Variants in TNRC6B observed in about 807,000 individuals in gnomAD.
TNRC6B encodes trinucleotide repeat containing adaptor 6B, also known as trinucleotide repeat-containing gene 6B protein.
A neutral mutation model predicts 203.6 loss-of-function variants in TNRC6B; 52 were observed. That is an observed-to-expected ratio of 0.26 (90% CI 0.20 to 0.32). The LOEUF is 0.32. TNRC6B is among the 10% of genes least tolerant of loss of function. TNRC6B has a pLI of 1.00. For synonymous variants in TNRC6B, 838 were observed against 845.7 expected (o/e 0.99, Z 0.16); for missense variants, 1,923 against 2,286.2 (o/e 0.84, Z 3.24).
At chr22:40,125,838 A>T in exon 3 of TNRC6B, 1 of 1,612,630 alleles carries the variant, frequency 6.2e-7, no homozygotes, top group South Asian at 1.1e-5. Flanking sequence ...ATGAGGGAGA[A>T]GTATCGGAAG....
rs2146548171 is a variant in TNRC6B at position 40,300,956 on chromosome 22, A to G, written c.3887A>G (p.Gln1296Arg). The G allele has an allele frequency of 6.2e-7, 1 of 1,613,830 alleles. No homozygotes were observed. The highest frequency in any genetic ancestry group is 8.5e-7 in the Non-Finnish European group (1 of 1,179,838). ...CAGCAGCAACAGCAGCAGTTGTTAC[A>G]GAACCAGAGAAAGATTTCTCAAGCT... ...LQQQQQQQLL[Q>R]NQRKISQAVR... The change falls in exon 14 of 23, where the codon CAG becomes CGG. Residue 1296 changes from glutamine to arginine, a missense_variant. Physicochemically the swap from Gln to Arg is conservative, Grantham distance 43. Transcript: ENST00000454349.
At chr22:40,293,190 C>CTTTTTTT (rs748230080) in intron 12 of TNRC6B, among the ~76,000 whole-genome samples, 2,020 of 79,108 alleles carry the variant, frequency 0.026, 66 homozygotes, top group Middle Eastern at 0.047. Context: ...ATATCCTTTT[C>CTTTTTTT]TTTTTTTTTT....
intron 1 of TNRC6B, among the ~76,000 whole-genome samples, chr22:40,057,941 C>G (rs969019586): frequency 1.3e-5 from 2 of 152,170 alleles, no homozygotes; most frequent in African/African-American, 4.8e-5. Context: ...GTACCATGGA[C>G]AACAGATTTT....
At chr22:40,071,121 T>G (rs1569250120) in intron 1 of TNRC6B, among the ~76,000 whole-genome samples, 1 of 152,220 alleles carries the variant, frequency 6.6e-6, no homozygotes, top group Non-Finnish European at 1.5e-5. Context: ...GAACCCACTT[T>G]CCTTTTTTTT....
At chr22:40,134,171 T>C (rs1019830728) in intron 3 of TNRC6B, among the ~76,000 whole-genome samples, 3 of 152,156 alleles carry the variant, frequency 2.0e-5, no homozygotes, top group African/African-American at 7.2e-5. Flanking sequence ...AGCATAACTT[T>C]CCACTCTTAA....
At chr22:40,158,412 G>A (rs1296031918) in intron 4 of TNRC6B, among the ~76,000 whole-genome samples, 1 of 151,872 alleles carries the variant, frequency 6.6e-6, no homozygotes, top group Non-Finnish European at 1.5e-5. Context: ...GGGAGACAAT[G>A]AAAATGGCAT....
intron 3 of TNRC6B, among the ~76,000 whole-genome samples, chr22:40,155,136 A>G (rs192214805): frequency 1.3e-5 from 2 of 151,736 alleles, no homozygotes; most frequent in Non-Finnish European, 2.9e-5. Context: ...ACAGATGTTT[A>G]TTCTTCTATT....
chr22:40,218,393 C>T (rs1461780572), intron 1 of TNRC6B, among the ~76,000 whole-genome samples: 2 of 129,200 alleles, frequency 1.5e-5, no homozygotes, highest in African/African-American at 5.7e-5. Context: ...GTGGCATGAT[C>T]GTGGCTCTCT....
intron 3 of TNRC6B, among the ~76,000 whole-genome samples, chr22:40,131,865 A>G (rs2068547958): frequency 6.6e-6 from 1 of 152,236 alleles, no homozygotes; most frequent in Admixed American, 6.5e-5. Flanking sequence ...TTGTTAATGT[A>G]AAACTTCAGA....
intron 1 of TNRC6B, among the ~76,000 whole-genome samples, chr22:40,203,813 G>C (rs1308843864): frequency 6.6e-6 from 1 of 152,206 alleles, no homozygotes; most frequent in Non-Finnish European, 1.5e-5. Flanking sequence ...TCTTTCTAAG[G>C]GTTCGGTGAT....
At chr22:40,315,528 G>A in intron 20 of TNRC6B, 21 bp downstream of exon 20, 2 of 1,611,044 alleles carry the variant, frequency 1.2e-6, no homozygotes, top group Non-Finnish European at 1.7e-6. Context: ...TCTGCCTAAA[G>A]GAACACCATT....
chr22:40,299,428 G>T (rs1044579615), intron 12 of TNRC6B, among the ~76,000 whole-genome samples: 2 of 152,042 alleles, frequency 1.3e-5, no homozygotes, highest in African/African-American at 4.8e-5. Context: ...TAGTAGAGAC[G>T]GGGTTTCTGC....
intron 1 of TNRC6B, among the ~76,000 whole-genome samples, chr22:40,238,924 T>C (rs530170483): frequency 1.5e-4 from 23 of 152,302 alleles, no homozygotes; most frequent in African/African-American, 5.1e-4. Context: ...CTGGCTCGGC[T>C]GGGCGCAGTG....
chr22:40,217,948 G>A (rs2069656632), intron 1 of TNRC6B, among the ~76,000 whole-genome samples: 2 of 146,758 alleles, frequency 1.4e-5, no homozygotes, highest in South Asian at 4.4e-4. Context: ...ACCCCAACCT[G>A]GGCGACAGAG....
At chr22:40,281,086 C>A in intron 10 of TNRC6B, 33 bp from the exon 11 acceptor site, 1 of 1,517,122 alleles carries the variant, frequency 6.6e-7, no homozygotes, top group South Asian at 1.3e-5. Flanking sequence ...AACCAACACT[C>A]GTTGTGATTG....
chr22:40,056,962 T>C (rs1006657910), intron 1 of TNRC6B, among the ~76,000 whole-genome samples: 4 of 152,172 alleles, frequency 2.6e-5, no homozygotes, highest in African/African-American at 7.2e-5. Context: ...ACTATATTCA[T>C]TGGAAGTTCC....
At position 40,278,001 on chromosome 22, in the gene TNRC6B, T is replaced by G. The variant is rs992202873; in HGVS notation, c.3219T>G (p.Ser1073Arg). The G allele has an allele frequency of 6.4e-7, 1 of 1,558,716 alleles. No homozygotes were observed. The highest frequency in any genetic ancestry group is 8.7e-7 in the Non-Finnish European group (1 of 1,148,524). ...CTCATCTGTTCTTTATTTTCCAGAG[T>G]CAGACTGAAGATAATCCAAGCAGCA... ...AKQFSNMGLL[S>R]QTEDNPSSKM... The change falls in exon 9 of 23, where the codon AGT (serine) becomes AGG (arginine). Residue 1073 changes from serine (S) to arginine (R), a missense_variant and splice_region_variant. Transcript: ENST00000454349.
chr22:40,087,014 C>T (rs1334857626), intron 1 of TNRC6B, among the ~76,000 whole-genome samples: 3 of 152,164 alleles, frequency 2.0e-5, no homozygotes, highest in Admixed American at 6.6e-5. Flanking sequence ...CAGACACAAG[C>T]CTTCTTCCTG....
At chr22:40,069,400 C>T (rs1242653582) in intron 1 of TNRC6B, among the ~76,000 whole-genome samples, 2 of 151,978 alleles carry the variant, frequency 1.3e-5, no homozygotes, top group Non-Finnish European at 2.9e-5. Context: ...ACTACTGCAC[C>T]TGGCCTAAAA....
Sources: allele counts gnomAD v4.1 joint callset (sites outside exome capture counted in the v4.1 genomes callset), GRCh38; gene constraint gnomAD v4.1.1; transcripts MANE v1.5; gene names NCBI Gene and HGNC (gene_info 2026-07-23, HGNC 2026-07-21).